GPM6A: variants seen among roughly 807,000 people sequenced by gnomAD.
The protein encoded by GPM6A is glycoprotein M6A, also known as neuronal membrane glycoprotein M6-a.
GPM6A carries 7 observed loss-of-function variants against 32.1 expected under a neutral mutation model. The observed-to-expected ratio is 0.22, with a 90% CI of 0.12 to 0.41. The LOEUF is 0.41. Among genes scored for constraint, GPM6A ranks in the 10% least tolerant of loss-of-function variants. GPM6A has a pLI of 1.00. For missense variants in GPM6A, 235 were observed against 347.2 expected, an observed-to-expected ratio of 0.68 and a Z score of 2.57; for synonymous variants, 130 against 123.4, an observed-to-expected ratio of 1.05 and a Z score of -0.35.
chr4:175,944,040 T>C (rs1339181602), intron 1 of GPM6A, among the ~76,000 whole-genome samples: 1 of 152,192 alleles, frequency 6.6e-6, no homozygotes, highest in Non-Finnish European at 1.5e-5. Context: ...GGCTATTAAT[T>C]ACTGCCTCAA....
chr4:175,884,814 G>A (rs780623354), intron 1 of GPM6A, among the ~76,000 whole-genome samples: 1 of 152,078 alleles, frequency 6.6e-6, no homozygotes, highest in Non-Finnish European at 1.5e-5. Context: ...GATTACAGGG[G>A]TTAGCCACCG....
intron 1 of GPM6A, among the ~76,000 whole-genome samples, chr4:175,855,969 C>T (rs1239077976): frequency 6.6e-6 from 1 of 152,174 alleles, no homozygotes; most frequent in Non-Finnish European, 1.5e-5. Context: ...TTTAATACCA[C>T]TCACCAACAG....
At chr4:175,930,625 C>T (rs1325978875) in intron 1 of GPM6A, among the ~76,000 whole-genome samples, 1 of 151,962 alleles carries the variant, frequency 6.6e-6, no homozygotes, top group Non-Finnish European at 1.5e-5. Context: ...AGCTGATTCT[C>T]ATTTTAATCC....
At position 175,818,909 on chromosome 4, in the gene GPM6A, G is replaced by A. The variant is rs1429013455; in HGVS notation, c.-22-6660C>T. 2.6e-5 allele frequency among the ~76,000 whole-genome samples: 4 copies of A among 152,166 alleles called. No individual in the cohort carries two copies. The East Asian group carries it at 5.8e-4, about 22-fold the overall frequency. On this transcript the variant is annotated intron_variant, in intron 1 of 7. Transcript: ENST00000280187. Reference sequence around the variant, plus strand: ...AAGGGAAAGCTGTATTGTCATAAATGCTGATTACAGTAAGGGGAGACAGAA... The same window carrying A: ...AAGGGAAAGCTGTATTGTCATAAATACTGATTACAGTAAGGGGAGACAGAA...
intron 1 of GPM6A, among the ~76,000 whole-genome samples, chr4:175,966,527 TATGAAGGTGGAGTTCTC>T: frequency 6.6e-6 from 1 of 151,708 alleles, no homozygotes; most frequent in East Asian, 1.9e-4. Context: ...ACAGTTAGAT[TATGAAGGTGGAGTTCTC>T]ATGAATGGAA....
chr4:176,002,312 T>C, exon 1 of GPM6A: 1 of 1,597,052 alleles, frequency 6.3e-7, no homozygotes. Flanking sequence ...CACTCACCCA[T>C]GGCCCGAGGT....
At chr4:175,790,890 A>T (rs1733986534) in intron 1 of GPM6A, among the ~76,000 whole-genome samples, 1 of 152,210 alleles carries the variant, frequency 6.6e-6, no homozygotes, top group South Asian at 2.1e-4. Flanking sequence ...AAATATTTAA[A>T]CTAATCCTTT....
At chr4:175,673,318 GAC>G (rs1743183403) in intron 3 of GPM6A, among the ~76,000 whole-genome samples, 1 of 151,806 alleles carries the variant, frequency 6.6e-6, no homozygotes, top group Non-Finnish European at 1.5e-5. Context: ...AAAATACAGA[GAC>G]ATATGTTTAA....
Position 175,895,885 on chromosome 4 carries a change from C to T in GPM6A, c.-22-83636G>A, listed in dbSNP as rs1579606194. ...TTCATAATCATACCTTGGCATAAAC[C>T]CTGAAATATTTGATCTACTTTGTTT... On this transcript the variant is annotated intron_variant, in intron 1 of 7. Coordinates refer to the GPM6A transcript ENST00000280187. 2.6e-5 allele frequency among the ~76,000 whole-genome samples: 4 copies of T among 152,094 alleles called. No homozygotes were observed. The East Asian group carries it at 7.7e-4, about 29-fold the overall frequency.
intron 1 of GPM6A, among the ~76,000 whole-genome samples, chr4:175,739,324 G>T (rs1579446176): frequency 6.6e-6 from 1 of 152,166 alleles, no homozygotes; most frequent in Admixed American, 6.5e-5. Flanking sequence ...TAATAAATTT[G>T]ATGCATTTTG....
At chr4:175,853,034 G>A (rs1465322273) in intron 1 of GPM6A, among the ~76,000 whole-genome samples, 4 of 151,896 alleles carry the variant, frequency 2.6e-5, no homozygotes, top group African/African-American at 4.8e-5. Context: ...TAGATCTAAC[G>A]TCCTCTCCTT....
chr4:175,829,643 T>C (rs987243782), intron 1 of GPM6A, among the ~76,000 whole-genome samples: 2 of 32,502 alleles, frequency 6.2e-5, no homozygotes, highest in African/African-American at 1.6e-4. Context: ...ATAAGTCATT[T>C]ATGTAATATA....
intron 1 of GPM6A, among the ~76,000 whole-genome samples, chr4:175,913,913 C>T (rs909844045): frequency 1.3e-5 from 2 of 152,168 alleles, no homozygotes; most frequent in African/African-American, 4.8e-5. Context: ...ATATTTTACT[C>T]TTCCCTCTCA....
intron 1 of GPM6A, among the ~76,000 whole-genome samples, chr4:175,835,627 G>GTGTATATATATA: frequency 7.2e-6 from 1 of 138,620 alleles, no homozygotes. Flanking sequence ...GTGAGTGTGT[G>GTGTATATATATA]TATATATATA....
chr4:175,727,263 A>C (rs542400959), intron 1 of GPM6A, among the ~76,000 whole-genome samples: 39 of 152,374 alleles, frequency 2.6e-4, no homozygotes, highest in African/African-American at 9.1e-4. Flanking sequence ...ACTAGGCTTC[A>C]CAAAAGCAAC....
chr4:175,829,815 A>G (rs1251639734), intron 1 of GPM6A, among the ~76,000 whole-genome samples: 2 of 151,136 alleles, frequency 1.3e-5, no homozygotes, highest in African/African-American at 4.9e-5. Flanking sequence ...AATGGAGGAC[A>G]TGACATTTTG....
chr4:175,896,950 T>C (rs1340624941), intron 1 of GPM6A, among the ~76,000 whole-genome samples: 2 of 152,080 alleles, frequency 1.3e-5, no homozygotes, highest in African/African-American at 2.4e-5. Flanking sequence ...TTATATTCAC[T>C]GAAAATGTTT....
At chr4:175,891,315 C>T (rs887612929) in intron 1 of GPM6A, 4 of 152,174 alleles carry the variant, frequency 2.6e-5, no homozygotes, top group African/African-American at 9.7e-5. Flanking sequence ...ATTGTTGCTT[C>T]TCTACCGGTT....
intron 1 of GPM6A, among the ~76,000 whole-genome samples, chr4:175,728,333 A>T (rs1731271839): frequency 6.6e-6 from 1 of 152,190 alleles, no homozygotes; most frequent in Admixed American, 6.5e-5. Context: ...AAAAAAACTA[A>T]ATTCAAAACA....
Sources: gnomAD v4.1 joint callset for allele counts (sites outside exome capture counted in the v4.1 genomes callset) on GRCh38, gnomAD v4.1.1 for gene constraint, MANE v1.5 for transcripts, NCBI Gene and HGNC (gene_info 2026-07-23, HGNC 2026-07-21) for gene names.